Variants in DNAH10 observed in about 807,000 individuals in gnomAD.
The protein encoded by DNAH10 is dynein axonemal heavy chain 10, also known as axonemal beta dynein heavy chain 10.
A neutral mutation model predicts 506.6 loss-of-function variants in DNAH10; 348 were observed. The ratio of observed to expected loss-of-function variants is 0.69; its 90% CI spans 0.63 to 0.75. DNAH10 has a LOEUF of 0.75. Ranked by LOEUF, DNAH10 falls within the 30% of genes least tolerant of loss-of-function variation. The pLI is 0.00. For missense variants in DNAH10, 5,179 were observed against 5,787.1 expected (o/e 0.89, Z 3.41); for synonymous variants, 2,059 against 2,198.6 (o/e 0.94, Z 1.78).
chr12:123,763,841 G>T (rs923579111), intron 1 of DNAH10, among the ~76,000 whole-genome samples: 6 of 150,396 alleles, frequency 4.0e-5, no homozygotes, highest in Admixed American at 2.0e-4. Context: ...GGGATTCCAG[G>T]TGTTAGCCAT....
chr12:123,877,943 C>A, intron 48 of DNAH10, 35 bp downstream of exon 48: 2 of 1,599,220 alleles, frequency 1.3e-6, no homozygotes, highest in South Asian at 1.1e-5. Context: ...ATATGCCCCA[C>A]AGGTATGATA....
At chr12:123,844,137 G>A (rs1469296809) in intron 30 of DNAH10, among the ~76,000 whole-genome samples, 2 of 151,430 alleles carry the variant, frequency 1.3e-5, no homozygotes, top group East Asian at 3.9e-4. Flanking sequence ...AAGGTGGCGG[G>A]AAAGAGAGAG....
At chr12:123,796,605 G>T in intron 12 of DNAH10, 51 bp from the exon 13 acceptor site, 2 of 1,495,624 alleles carry the variant, frequency 1.3e-6, no homozygotes, top group African/African-American at 1.4e-5. Flanking sequence ...ATCTTTCTTG[G>T]CTAACCTGGC....
intron 36 of DNAH10, among the ~76,000 whole-genome samples, chr12:123,855,817 T>G (rs1236357883): frequency 6.6e-6 from 1 of 151,146 alleles, no homozygotes; most frequent in Non-Finnish European, 1.5e-5. Flanking sequence ...TTCTTCTCCT[T>G]GCACGGCCCA....
At chr12:123,816,318 C>T (rs2706269) in intron 21 of DNAH10, among the ~76,000 whole-genome samples, 3,014 of 152,230 alleles carry the variant, frequency 0.02, 115 homozygotes, top group African/African-American at 0.069. Flanking sequence ...AACTTTCAGG[C>T]GCCCATCTTT....
intron 1 of DNAH10, among the ~76,000 whole-genome samples, chr12:123,764,153 A>G (rs1593939089): frequency 2.6e-5 from 4 of 152,210 alleles, no homozygotes; most frequent in Non-Finnish European, 1.5e-5. Flanking sequence ...GGTGTGAACC[A>G]TCGCGCTTGG....
In DNAH10 at chr12:123,932,017, A is replaced by T; in HGVS notation, c.13205A>T (p.Asn4402Ile). Residue 4402 changes from asparagine to isoleucine, a missense_variant, in exon 76 of 79, where the codon AAT becomes ATT. By Grantham distance (149) the Asn-to-Ile change is moderately radical. Around this residue, in one of 3 missense-constraint regions of DNAH10, gnomAD observed 4,844 missense variants for 5,430.5 expected, o/e 0.89. Coordinates refer to ENST00000673944, the MANE Select transcript of DNAH10 (RefSeq NM_001372106.1). ...ARSLFIGHIP[N>I]IWRRLAPDTL... ...TCTCTTTTTATCGGGCATATCCCTA[A>T]TATCTGGAGAAGGCTTGCTCCTGAC... 6.2e-7 allele frequency: 1 copy of T among 1,613,986 alleles called. No homozygotes were observed. The highest frequency in any genetic ancestry group is 8.5e-7 in the Non-Finnish European group (1 of 1,179,888).
In DNAH10 at chr12:123,873,678, C is replaced by T; in HGVS notation, c.7906C>T (p.Leu2636=). Residue 2636 remains leucine (L), a synonymous_variant, in exon 46 of 79, where the codon CTG becomes TTG. Coordinates refer to ENST00000673944, the MANE Select transcript of DNAH10 (RefSeq NM_001372106.1). ...CGGCCCACCCATGGGAAAACGCCTG[C>T]TGGTGTTCATGGATGACATGAATAT... ...TYGPPMGKRL[L]VFMDDMNMPR... is the part of the protein sequence containing the mutation. 6.2e-7 allele frequency: 1 copy of T among 1,612,452 alleles called. No individual in the cohort carries two copies. Among genetic ancestry groups the T allele is most frequent in the Admixed American group, 1.7e-5 (1 of 59,750 alleles).
In DNAH10 at chr12:123,762,324, A is replaced by G. The variant is rs369848914; in HGVS notation, c.-13A>G. 1.5e-6 allele frequency: 2 copies of G among 1,319,208 alleles called. No individual in the cohort carries two copies. The highest frequency in any genetic ancestry group is 3.1e-5 in the East Asian group (1 of 32,246). The allele number at this position is 1,319,208 out of a possible 1,614,324, so 81.7% of individuals were successfully genotyped here. A position where few individuals can be genotyped will look rare whatever the true frequency, so the allele number is the denominator to read the frequency against. On this transcript the variant is annotated 5_prime_UTR_variant, in exon 1 of 79. Coordinates refer to ENST00000673944, the MANE Select transcript of DNAH10 (RefSeq NM_001372106.1). The surrounding 1 kb of genome is among the most constrained non-coding windows in gnomAD (Gnocchi z 5.0). ...CCGCCCTGCGCCCGGCTCCCTCTGC[A>G]CTGCGCGGCGCCATGGACGACCTGC...
intron 2 of DNAH10, among the ~76,000 whole-genome samples, chr12:123,768,519 A>C (rs1393014850): frequency 1.3e-5 from 2 of 152,170 alleles, no homozygotes; most frequent in Non-Finnish European, 2.9e-5. Context: ...TACTAATTAC[A>C]TCTGCAAAGA....
chr12:123,834,913 T>C (rs781146168), intron 27 of DNAH10, among the ~76,000 whole-genome samples: 1 of 152,260 alleles, frequency 6.6e-6, no homozygotes, highest in African/African-American at 2.4e-5. Flanking sequence ...ATGTTGTTTT[T>C]CTATCCATTG....
intron 26 of DNAH10, among the ~76,000 whole-genome samples, chr12:123,831,709 G>T (rs894962893): frequency 1.3e-5 from 2 of 152,150 alleles, no homozygotes; most frequent in African/African-American, 4.8e-5. Context: ...TGGCTAACAC[G>T]GTGAAACCCC....
chr12:123,783,408 C>G (rs185365634), intron 7 of DNAH10, 144 bp downstream of exon 7: 5 of 928,960 alleles, frequency 5.4e-6, no homozygotes, highest in East Asian at 2.6e-5. Context: ...TAAACACACC[C>G]AAAATATCAT....
At chr12:123,818,835 C>G in intron 21 of DNAH10, 115 bp from the exon 22 acceptor site, 1 of 690,656 alleles carries the variant, frequency 1.4e-6, no homozygotes, top group Non-Finnish European at 2.5e-6. Context: ...GTTTGAATTA[C>G]CTAGCCTCCT....
chr12:123,847,218 TTATCTATCTATCTATCTATCTATC>T (rs61214034), intron 32 of DNAH10, among the ~76,000 whole-genome samples: 33 of 142,724 alleles, frequency 2.3e-4, no homozygotes, highest in African/African-American at 8.2e-4. Context: ...ATCCATCCTA[TTATCTATCTATCTATCTATCTATC>T]TATCTATCTA....
At chr12:123,799,174 TTATC>T (rs1958390468) in intron 13 of DNAH10, 68 bp from the exon 14 acceptor site, 1 of 1,056,214 alleles carries the variant, frequency 9.5e-7, no homozygotes, top group Non-Finnish European at 1.3e-6. Context: ...TTTGTATAAA[TTATC>T]TGTGTAGAGC....
intron 19 of DNAH10, among the ~76,000 whole-genome samples, chr12:123,811,926 C>T (rs781541708): frequency 3.3e-5 from 5 of 152,012 alleles, no homozygotes; most frequent in East Asian, 1.9e-4. Context: ...TGCGAGCCAA[C>T]GCGCCCCGCC....
At position 123,909,278 on chromosome 12, in the gene DNAH10, C is replaced by T. The variant is rs201106175; in HGVS notation, c.9833C>T (p.Pro3278Leu). The T allele has an allele frequency of 3.0e-5, 49 of 1,613,082 alleles. No homozygotes were observed. The highest frequency in any genetic ancestry group is 3.8e-5 in the Non-Finnish European group (45 of 1,179,680). ...VTEIRSFAKPPKQVQTVCECI... is the reference protein window; with the variant it reads ...VTEIRSFAKPLKQVQTVCECI... ...CTTGCCAGGTCGTTTGCTAAGCCCC[C>T]GAAGCAGGTGCAGACGGTCTGCGAA... is the stretch of plus-strand genomic sequence containing the variant. Residue 3278 changes from proline (P) to leucine (L), a missense_variant, in exon 58 of 79, where the codon CCG becomes CTG. Physicochemically the swap from Pro to Leu is moderately conservative, Grantham distance 98 (BLOSUM62 -3). Transcript: ENST00000673944. The surrounding 1 kb of genome is among the most constrained non-coding windows in gnomAD (Gnocchi z 5.4).
At chr12:123,777,383 G>C (rs1957480144) in intron 5 of DNAH10, among the ~76,000 whole-genome samples, 1 of 152,246 alleles carries the variant, frequency 6.6e-6, no homozygotes, top group South Asian at 2.1e-4. Flanking sequence ...GCTGCTGGAA[G>C]TCAAGAAGGC....
Sources: gnomAD v4.1 joint callset for allele counts (sites outside exome capture counted in the v4.1 genomes callset) on GRCh38, gnomAD v4.1.1 for gene constraint, gnomAD v4.1.1 regional missense constraint, Gnocchi (gnomAD v3.1) non-coding constraint, MANE v1.5 for transcripts, NCBI Gene and HGNC (gene_info 2026-07-23, HGNC 2026-07-21) for gene names.